The following MAP9 variants were observed in gnomAD, a reference collection of about 807,000 sequenced individuals.
MAP9 encodes microtubule-associated protein 9.
MAP9 carries 80 observed loss-of-function variants against 75.2 expected under a neutral mutation model. The ratio of observed to expected loss-of-function variants is 1.06; its 90% confidence interval spans 0.89 to 1.28. The LOEUF is 1.28. MAP9 is among the 50% of genes most tolerant of loss of function. The pLI, the probability that MAP9 is intolerant of heterozygous loss-of-function variation, is 0.00. For synonymous variants in MAP9, 235 were observed against 237.3 expected (o/e 0.99, Z 0.09); for missense variants, 753 against 719.9 (o/e 1.05, Z -0.53).
chr4:155,368,110 A>G (rs1256376203), intron 5 of MAP9: 3 of 174,294 alleles, frequency 1.7e-5, no homozygotes, highest in African/African-American at 7.1e-5. Flanking sequence ...CAAAGAACAC[A>G]GAAGAGTGCC....
At chr4:155,371,555 C>CT (rs1560817673) in intron 4 of MAP9, among the ~76,000 whole-genome samples, 3 of 151,692 alleles carry the variant, frequency 2.0e-5, no homozygotes, top group African/African-American at 4.8e-5. Flanking sequence ...AAGAAAAGCG[C>CT]TTTTTTTGGT....
In MAP9 at chr4:155,347,237, AT is replaced by A. The variant is rs1715371182; in HGVS notation, c.*545del. ...AATTCTTAAATAAAAAGCCTTGATGATTAGAGTTCTACTGAGCTACTGCCTC... is the reference window on the plus strand; with the variant it reads ...AATTCTTAAATAAAAAGCCTTGATGATAGAGTTCTACTGAGCTACTGCCTC... On this transcript the variant is annotated 3_prime_UTR_variant, in exon 14 of 14. Coordinates refer to ENST00000311277, the MANE Select transcript of MAP9 (RefSeq NM_001039580.2). 6.6e-6 allele frequency: 1 copy of A among 152,234 alleles called. No homozygotes were observed. The highest frequency in any genetic ancestry group is 2.4e-5 in the African/African-American group (1 of 41,472). The allele number at this position is 152,234 out of a possible 1,614,324, so 9.4% of individuals were successfully genotyped here.
chr4:155,360,099 A>T, intron 7 of MAP9, 69 bp downstream of exon 7: 1 of 1,429,476 alleles, frequency 7.0e-7, no homozygotes, highest in East Asian at 2.3e-5. Context: ...AACACAGAAG[A>T]TAAAATTTCT....
At chr4:155,369,733 T>C (rs943494903) in intron 4 of MAP9, among the ~76,000 whole-genome samples, 1 of 152,196 alleles carries the variant, frequency 6.6e-6, no homozygotes, top group Non-Finnish European at 1.5e-5. Flanking sequence ...TAACTCTCAT[T>C]AGAGGAAGGA....
At position 155,343,961 on chromosome 4, in the gene MAP9, T is replaced by C. The variant is rs1223315235; in HGVS notation, c.*3822A>G. Reference sequence around the variant, plus strand: ...TAGGAAAGTTGATATCTTTCTTTTATGTAAAAGGAAGCATATGGGTTTAAA... The same window carrying C: ...TAGGAAAGTTGATATCTTTCTTTTACGTAAAAGGAAGCATATGGGTTTAAA... On this transcript the variant is annotated 3_prime_UTR_variant, in exon 14 of 14. Transcript: ENST00000311277. 1 of 151,962 alleles carries C rather than the reference T, an allele frequency of 6.6e-6. No homozygotes were observed. The highest frequency in any genetic ancestry group is 2.4e-5 in the African/African-American group (1 of 41,434). 9.4% of individuals were successfully genotyped at this position (151,962 alleles called of 1,614,324 possible).
At chr4:155,352,541 A>T (rs755939354) in intron 13 of MAP9, 55 bp downstream of exon 13, 1 of 1,534,376 alleles carries the variant, frequency 6.5e-7, no homozygotes, top group Admixed American at 2.0e-5. Flanking sequence ...TAGGGACAGA[A>T]AAGACACAAA....
intron 8 of MAP9, 63 bp from the exon 9 acceptor site, chr4:155,355,947 G>C: frequency 7.3e-7 from 1 of 1,373,698 alleles, no homozygotes; most frequent in Non-Finnish European, 1.0e-6. Context: ...AGAGAGATCT[G>C]TTAGAATATG....
rs1732078593 is a variant in MAP9 at position 155,361,502 on chromosome 4, T to C, written c.802+546A>G. Among the ~76,000 whole-genome samples, 3 of 152,046 alleles carry C rather than the reference T, an allele frequency of 2.0e-5. No individual in the cohort carries two copies. In the South Asian group the frequency reaches 6.2e-4, roughly 31 times the overall value. On this transcript the variant is annotated intron_variant, in intron 6 of 13. Transcript: ENST00000311277. ...AGAAATTATGTTAACAATTCACATATCACACCAAGTGCTTACTATGGTATT... is the reference window on the plus strand; with the variant it reads ...AGAAATTATGTTAACAATTCACATACCACACCAAGTGCTTACTATGGTATT...
At chr4:155,347,987 A>G in intron 13 of MAP9, 82 bp from the exon 14 acceptor site, 1 of 842,550 alleles carries the variant, frequency 1.2e-6, no homozygotes, top group Non-Finnish European at 1.8e-6. Context: ...GAAGAACAAA[A>G]TAATCCATTA....
At chr4:155,376,555 C>G (rs954159830) in intron 1 of MAP9, 1 of 152,518 alleles carries the variant, frequency 6.6e-6, no homozygotes, top group Non-Finnish European at 1.5e-5. Context: ...GTTCCGTTCC[C>G]TACCAGGCCA....
At chr4:155,348,006 T>G in intron 13 of MAP9, 101 bp from the exon 14 acceptor site, 1 of 722,874 alleles carries the variant, frequency 1.4e-6, no homozygotes, top group Non-Finnish European at 2.2e-6. Flanking sequence ...TATAGGATAT[T>G]TATATATCAC....
rs751396832 is a variant in MAP9 at position 155,353,171 on chromosome 4, C to T, written c.1542+8G>A. 6.3e-7 allele frequency: 1 copy of T among 1,580,906 alleles called. No individual in the cohort carries two copies. The highest frequency in any genetic ancestry group is 8.6e-7 in the Non-Finnish European group (1 of 1,168,864). On this transcript the variant is annotated splice_region_variant and intron_variant, in intron 11 of 13. Coordinates refer to ENST00000311277, the MANE Select transcript of MAP9 (RefSeq NM_001039580.2). ...TAAAATAATTAAGATGTGCAAAGTT[C>T]TGAATACTTGTAGTGCTTCTCCTTT...
intron 5 of MAP9, chr4:155,368,384 T>C: frequency 1.6e-6 from 1 of 615,822 alleles, no homozygotes; most frequent in Non-Finnish European, 2.9e-6. Flanking sequence ...TGTAAAATAA[T>C]GCTACGTCTT....
chr4:155,369,529 T>G lies in MAP9; in HGVS notation c.482-717A>C, dbSNP rs764345744. On this transcript the variant is annotated intron_variant, in intron 4 of 13. Coordinates refer to ENST00000311277, the MANE Select transcript of MAP9 (RefSeq NM_001039580.2). ...TTCTACCACTATAAAATGAGGAGGC[T>G]CATCCATCAAGCCTTTGAGTACCAA... 2.6e-5 allele frequency among the ~76,000 whole-genome samples: 4 copies of G among 152,056 alleles called. No individual in the cohort carries two copies. The South Asian group carries it at 8.3e-4, about 32-fold the overall frequency.
intron 13 of MAP9, chr4:155,350,236 C>T (rs1311145274): frequency 1.8e-5 from 8 of 452,034 alleles, no homozygotes; most frequent in Admixed American, 1.4e-4. Flanking sequence ...TTTTTCTATT[C>T]TATCTGCAAA....
rs1401234014 is a variant in MAP9 at position 155,362,075 on chromosome 4, C to T, written c.775G>A (p.Gly259Arg). The T allele has an allele frequency of 6.2e-7, 1 of 1,600,320 alleles. No homozygotes were observed. Among genetic ancestry groups the T allele is most frequent in the Non-Finnish European group, 8.5e-7 (1 of 1,174,594 alleles). ...TTTCCAGATGCGTTTCCCTCAGATC[C>T]TGGTGAAAAAGAATCTCCAAGAATT... is the stretch of plus-strand genomic sequence containing the variant. ...KQILGDSFSP[G>R]SEGNASGKDP... The change falls in exon 6 of 14, where the codon GGA becomes AGA. Residue 259 changes from glycine to arginine, a missense_variant. By Grantham distance (125) the Gly-to-Arg change is moderately radical (BLOSUM62 -2). Transcript: ENST00000311277.
chr4:155,348,048 A>C (rs989152893), intron 13 of MAP9, 143 bp from the exon 14 acceptor site: 14 of 587,196 alleles, frequency 2.4e-5, no homozygotes, highest in Non-Finnish European at 4.1e-5. Flanking sequence ...AAGAAATAAC[A>C]GGTAGGGCCA....
At chr4:155,358,844 G>A (rs1019589871) in intron 7 of MAP9, among the ~76,000 whole-genome samples, 1 of 151,898 alleles carries the variant, frequency 6.6e-6, no homozygotes, top group Non-Finnish European at 1.5e-5. Context: ...AATCATCAGA[G>A]AAACACAAAT....
rs767767555 is a variant in MAP9 at position 155,347,874 on chromosome 4, C to T, written c.1853G>A (p.Arg618Gln). 13 of 1,572,562 alleles carry T rather than the reference C, an allele frequency of 8.3e-6. No homozygotes were observed. Among genetic ancestry groups the T allele is most frequent in the South Asian group, 2.3e-5 (2 of 88,066 alleles). Residue 618 changes from arginine (R) to glutamine (Q), a missense_variant, in exon 14 of 14, where the codon CGA (arginine) becomes CAA (glutamine). By Grantham distance (43) the Arg-to-Gln change is conservative (BLOSUM62 1). Transcript: ENST00000311277. ...ENKEKQERIE[R>Q]KQKKRHSFLE... ...AAAGGAATGACGTTTCTTCTGTTTT[C>T]GTTCAATTCTTTCTTGTTTTTCCTT... is the stretch of plus-strand genomic sequence containing the variant.
Sources: gnomAD v4.1 joint callset for allele counts (sites outside exome capture counted in the v4.1 genomes callset) on GRCh38, gnomAD v4.1.1 for gene constraint, MANE v1.5 for transcripts, NCBI Gene and HGNC (gene_info 2026-07-23, HGNC 2026-07-21) for gene names.